The following TAF12 variants were observed in gnomAD, a reference collection of about 807,000 sequenced individuals.
TAF12 encodes the protein transcription initiation factor TFIID subunit 12.
TAF12 carries 3 observed loss-of-function variants against 20.8 expected under a neutral mutation model. That is an observed-to-expected ratio of 0.14 (90% confidence interval 0.07 to 0.37). TAF12 has a LOEUF of 0.37. Among genes scored for constraint, TAF12 ranks in the 10% least tolerant of loss-of-function variants. The pLI, the probability that TAF12 is intolerant of heterozygous loss-of-function variation, is 1.00. For synonymous variants in TAF12, 69 were observed against 70.2 expected (o/e 0.98, Z 0.09); for missense variants, 131 against 197.9 (o/e 0.66, Z 2.03).
At chr1:28,640,428 A>C (rs1667993274) in intron 1 of TAF12, among the ~76,000 whole-genome samples, 1 of 152,206 alleles carries the variant, frequency 6.6e-6, no homozygotes, top group South Asian at 2.1e-4. Context: ...CACTTAGAAG[A>C]GTAGAAAAAA....
chr1:28,644,831 A>C (rs1460451464), upstream of TAF12, among the ~76,000 whole-genome samples: 9 of 152,216 alleles, frequency 5.9e-5, no homozygotes. Context: ...CTTTTAGCCT[A>C]GACTATGATG....
chr1:28,636,594 A>C (rs114395747), intron 1 of TAF12, among the ~76,000 whole-genome samples: 1 of 151,906 alleles, frequency 6.6e-6, no homozygotes, highest in Non-Finnish European at 1.5e-5. Flanking sequence ...GTTTGAGACC[A>C]GCCTGGGCAA....
intron 1 of TAF12, among the ~76,000 whole-genome samples, chr1:28,631,636 G>A (rs1417817466): frequency 6.6e-6 from 1 of 152,122 alleles, no homozygotes; most frequent in East Asian, 1.9e-4. Flanking sequence ...TTGAGACAAG[G>A]CTAGGTAACA....
intron 4 of TAF12, among the ~76,000 whole-genome samples, chr1:28,606,824 C>T (rs573012588): frequency 3.3e-4 from 51 of 152,306 alleles, no homozygotes; most frequent in Middle Eastern, 3.4e-3. Flanking sequence ...AGCTGTATGA[C>T]GCTGGCTCCC....
rs766134526 is a variant in TAF12 at position 28,632,083 on chromosome 1, CAT to C, written c.-84-9920_-84-9919del. Among the ~76,000 whole-genome samples the C allele has an allele frequency of 3.3e-5, 5 of 152,300 alleles. No individual in the cohort carries two copies. The South Asian group carries it at 6.2e-4, about 19-fold the overall frequency. Reference sequence around the variant, plus strand: ...ACTACCAAAAACCGAAAACAATCCACATGTCCTTCAAATGGTGAATAAACAAA... The same window carrying C: ...ACTACCAAAAACCGAAAACAATCCACGTCCTTCAAATGGTGAATAAACAAA... On this transcript the variant is annotated intron_variant, in intron 1 of 5. Transcript: ENST00000373824.
chr1:28,633,912 CAA>C (rs34756071), intron 1 of TAF12, among the ~76,000 whole-genome samples: 90 of 47,504 alleles, frequency 1.9e-3, no homozygotes, highest in African/African-American at 6.6e-3. Context: ...AACTCCATCT[CAA>C]AAAAAAAAAA....
intron 1 of TAF12, among the ~76,000 whole-genome samples, chr1:28,638,787 ATTTTTT>A (rs759099050): frequency 3.9e-5 from 4 of 101,846 alleles, no homozygotes; most frequent in South Asian, 3.2e-4. Flanking sequence ...CACCTGGCCT[ATTTTTT>A]TTTTTTTTTT....
At chr1:28,638,619 G>A (rs985351740) in intron 1 of TAF12, among the ~76,000 whole-genome samples, 69 of 149,664 alleles carry the variant, frequency 4.6e-4, no homozygotes, top group African/African-American at 1.6e-3. Flanking sequence ...CCAGGTAGCC[G>A]GGATTATAAG....
intron 1 of TAF12, among the ~76,000 whole-genome samples, chr1:28,636,440 A>C (rs1400037272): frequency 6.6e-6 from 1 of 152,118 alleles, no homozygotes; most frequent in Non-Finnish European, 1.5e-5. Context: ...AGCTGTATTG[A>C]GCAAGCTACA....
chr1:28,628,661 TTAAA>T (rs1392334502), intron 1 of TAF12, among the ~76,000 whole-genome samples: 1 of 151,746 alleles, frequency 6.6e-6, no homozygotes, highest in Non-Finnish European at 1.5e-5. Context: ...TGTGAATGAT[TTAAA>T]TAAAGACTTT....
At chr1:28,639,808 G>T (rs1667973630) in intron 1 of TAF12, among the ~76,000 whole-genome samples, 1 of 151,532 alleles carries the variant, frequency 6.6e-6, no homozygotes, top group Non-Finnish European at 1.5e-5. Context: ...TAATTAACTG[G>T]AAAATCAATC....
intron 1 of TAF12, among the ~76,000 whole-genome samples, chr1:28,642,330 C>A (rs1048256753): frequency 1.3e-5 from 2 of 152,166 alleles, no homozygotes; most frequent in Non-Finnish European, 2.9e-5. Flanking sequence ...ATCACTAAAT[C>A]TTTTCCAAAC....
At chr1:28,626,713 G>A (rs905612448) in intron 1 of TAF12, among the ~76,000 whole-genome samples, 12 of 148,970 alleles carry the variant, frequency 8.1e-5, no homozygotes, top group East Asian at 4.1e-4. Context: ...GTTCGAGACC[G>A]GCCTGGCCAC....
intron 1 of TAF12, among the ~76,000 whole-genome samples, chr1:28,627,750 C>T (rs111237992): frequency 4.0e-5 from 6 of 151,248 alleles, no homozygotes; most frequent in East Asian, 1.9e-4. Context: ...CTAAGAAACT[C>T]GACAAAAATT....
rs768058897 is a variant in TAF12 at position 28,635,827 on chromosome 1, T to TAAA, written c.-85+7162_-85+7164dup. Among the ~76,000 whole-genome samples, 379 of 150,750 alleles carry TAAA rather than the reference T, an allele frequency of 2.5e-3. 2 individuals are homozygous for TAAA. The highest frequency in any genetic ancestry group is 8.7e-3 in the African/African-American group (356 of 41,152). On this transcript the variant is annotated intron_variant, in intron 1 of 5. Transcript: ENST00000373824. ...ATTCCATTAACTGTTTTTTTTTTTTTAAAAAAACAAAACAAAGGTGAAGAG... is the reference window on the plus strand; with the variant it reads ...ATTCCATTAACTGTTTTTTTTTTTTTAAAAAAAAAACAAAACAAAGGTGAAGAG...
chr1:28,612,569 T>C (rs1056308824), intron 4 of TAF12, among the ~76,000 whole-genome samples: 1 of 147,464 alleles, frequency 6.8e-6, no homozygotes, highest in Non-Finnish European at 1.5e-5. Flanking sequence ...AATATATACA[T>C]ATATATACAT....
At chr1:28,635,825 T>A (rs79426222) in intron 1 of TAF12, among the ~76,000 whole-genome samples, 21 of 149,700 alleles carry the variant, frequency 1.4e-4, no homozygotes, top group African/African-American at 2.0e-4. Context: ...TTTTTTTTTT[T>A]TTAAAAAAAC....
chr1:28,610,360 T>G (rs1475989853), intron 4 of TAF12, among the ~76,000 whole-genome samples: 1 of 152,180 alleles, frequency 6.6e-6, no homozygotes, highest in Non-Finnish European at 1.5e-5. Context: ...AGTGGCATGA[T>G]AGCTCACTGC....
chr1:28,616,396 A>C (rs1197070354), intron 3 of TAF12, among the ~76,000 whole-genome samples: 1 of 134,088 alleles, frequency 7.5e-6, no homozygotes, highest in Non-Finnish European at 1.6e-5. Context: ...ATTCTGTCTC[A>C]AAAAAAAAAA....
Sources: allele counts gnomAD v4.1 joint callset (sites outside exome capture counted in the v4.1 genomes callset), GRCh38; gene constraint gnomAD v4.1.1; transcripts MANE v1.5; gene names NCBI Gene and HGNC (gene_info 2026-07-23, HGNC 2026-07-21).